Variants in RPS6KA2 observed in about 807,000 individuals in gnomAD.
RPS6KA2 encodes ribosomal protein S6 kinase alpha-2.
Under a neutral mutation model 91.8 loss-of-function variants are expected in RPS6KA2, and 42 were observed. That is an observed-to-expected ratio of 0.46 (90% CI 0.36 to 0.59). The LOEUF is 0.59. Among genes scored for constraint, RPS6KA2 ranks in the 20% least tolerant of loss-of-function variants. The pLI is 0.00. For missense variants in RPS6KA2, 798 were observed against 978.5 expected, an observed-to-expected ratio of 0.82 and a Z score of 2.46; for synonymous variants, 414 against 393.6, an observed-to-expected ratio of 1.05 and a Z score of -0.61.
chr6:166,721,810 AGGTGCCAGCTCAGAGGAGGAGCC>A (rs66884384), intron 2 of RPS6KA2, among the ~76,000 whole-genome samples: 136,979 of 151,362 alleles, frequency 0.9, 62,127 homozygotes, highest in East Asian at 0.95. Flanking sequence ...TTCCCCCAGG[AGGTGCCAGCTCAGAGGAGGAGCC>A]GGTGCCAGCT....
At position 166,459,401 on chromosome 6, in the gene RPS6KA2, GGTC is replaced by G; in HGVS notation, c.1075+45_1075+47del. 8.8e-7 allele frequency: 1 copy of G among 1,131,596 alleles called. No individual in the cohort carries two copies. 70.1% of individuals were successfully genotyped at this position (1,131,596 alleles called of 1,614,324 possible). On this transcript the variant is annotated intron_variant, in intron 12 of 20. Transcript: ENST00000265678. The surrounding 1 kb of genome is among the most constrained non-coding windows in gnomAD (Gnocchi z 4.9). ...TGTTCCTAGATATCTGTCTCTAAGG[GGTC>G]AGGTGGGAGAAGCCACCGATAGAGG...
At chr6:166,464,021 T>C (rs149476808) in intron 11 of RPS6KA2, among the ~76,000 whole-genome samples, 23 of 152,236 alleles carry the variant, frequency 1.5e-4, no homozygotes, top group African/African-American at 5.1e-4. Flanking sequence ...GTGTATATAA[T>C]GTAGGAATAA....
chr6:166,452,524 A>T (rs1053647033), intron 12 of RPS6KA2, among the ~76,000 whole-genome samples: 6 of 152,192 alleles, frequency 3.9e-5, no homozygotes, highest in African/African-American at 1.4e-4. Flanking sequence ...AGCAATTTTA[A>T]GCAAAAGGAA....
intron 2 of RPS6KA2, among the ~76,000 whole-genome samples, chr6:166,534,050 G>A (rs1289394306): frequency 6.6e-6 from 1 of 151,930 alleles, no homozygotes; most frequent in Non-Finnish European, 1.5e-5. Flanking sequence ...GTGAAACTCC[G>A]TCTCTACTAA....
At chr6:166,589,419 T>C (rs1785286915) in intron 1 of RPS6KA2, among the ~76,000 whole-genome samples, 1 of 152,234 alleles carries the variant, frequency 6.6e-6, no homozygotes, top group Non-Finnish European at 1.5e-5. Context: ...ACACTGGAAT[T>C]GAAAAATAAC....
rs1485023118 is a variant in RPS6KA2 at position 166,410,306 on chromosome 6, G to A, written c.*2456C>T. ...TGGAGGTGCGCTGAGCTGGCAAAAT[G>A]CGAATTCTAAGAACACCTTCATTTA... On this transcript the variant is annotated 3_prime_UTR_variant, in exon 21 of 21. Coordinates refer to ENST00000265678, the MANE Select transcript of RPS6KA2 (RefSeq NM_021135.6). The A allele has an allele frequency of 6.6e-6, 1 of 152,304 alleles. No homozygotes were observed. The highest frequency in any genetic ancestry group is 1.5e-5 in the Non-Finnish European group (1 of 68,044). 9.4% of individuals were successfully genotyped at this position (152,304 alleles called of 1,614,324 possible).
chr6:166,475,882 G>C (rs572730695), intron 10 of RPS6KA2: 2 of 520,706 alleles, frequency 3.8e-6, no homozygotes, highest in African/African-American at 3.9e-5. Context: ...TGTATTTCTG[G>C]TAGTCTGGAC....
In RPS6KA2 at chr6:166,429,999, G is replaced by A. The variant is rs1049491766; in HGVS notation, c.1581+454C>T. Among the ~76,000 whole-genome samples, 59 of 147,988 alleles carry A rather than the reference G, an allele frequency of 4.0e-4. 2 individuals are homozygous for A. The highest frequency in any genetic ancestry group is 2.9e-3 in the Admixed American group (43 of 14,706). The stretch of plus-strand genomic sequence containing the variant: ...TTGAGATGGAGTCTCGTCCTGTCAC[G>A]CAGGCTGGAGTGCAATGGTGCTATC... On this transcript the variant is annotated intron_variant, in intron 16 of 20. Coordinates refer to ENST00000265678, the MANE Select transcript of RPS6KA2 (RefSeq NM_021135.6).
intron 2 of RPS6KA2, among the ~76,000 whole-genome samples, chr6:166,851,673 C>G (rs1283598455): frequency 6.6e-6 from 1 of 152,142 alleles, no homozygotes; most frequent in Non-Finnish European, 1.5e-5. Flanking sequence ...GAGACTGTTC[C>G]CATTCGCACT....
At chr6:166,837,591 G>A (rs1027750397) in intron 2 of RPS6KA2, among the ~76,000 whole-genome samples, 1 of 152,200 alleles carries the variant, frequency 6.6e-6, no homozygotes, top group Admixed American at 6.5e-5. Context: ...AGTGAGGATG[G>A]CCCCGTGGCT....
chr6:166,818,698 C>T (rs1275346579), intron 2 of RPS6KA2, among the ~76,000 whole-genome samples: 1 of 152,136 alleles, frequency 6.6e-6, no homozygotes, highest in African/African-American at 2.4e-5. Flanking sequence ...GTGCCTTTGT[C>T]ACAATAAATC....
intron 1 of RPS6KA2, among the ~76,000 whole-genome samples, chr6:166,555,517 C>T (rs543499806): frequency 5.9e-5 from 9 of 152,288 alleles, no homozygotes; most frequent in Admixed American, 3.3e-4. Flanking sequence ...ACAATCTCCA[C>T]GCTGCAGCCA....
intron 7 of RPS6KA2, 68 bp from the exon 8 acceptor site, chr6:166,498,718 G>T: frequency 6.3e-7 from 1 of 1,580,760 alleles, no homozygotes; most frequent in Non-Finnish European, 8.6e-7. Flanking sequence ...CACTCAGGCG[G>T]GCATCAGCGT....
intron 10 of RPS6KA2, among the ~76,000 whole-genome samples, chr6:166,486,394 C>T (rs1043172684): frequency 5.3e-5 from 8 of 152,204 alleles, no homozygotes; most frequent in Non-Finnish European, 1.0e-4. Flanking sequence ...GGCCTCCCAT[C>T]TCATTGTCGC....
intron 2 of RPS6KA2, among the ~76,000 whole-genome samples, chr6:166,812,644 G>A (rs1352050790): frequency 6.6e-6 from 1 of 152,156 alleles, no homozygotes; most frequent in Non-Finnish European, 1.5e-5. Context: ...TCCCGCTCTC[G>A]TGTGGAACCT....
intron 2 of RPS6KA2, among the ~76,000 whole-genome samples, chr6:166,797,416 G>A (rs903183774): frequency 8.5e-5 from 13 of 152,050 alleles, no homozygotes; most frequent in Middle Eastern, 3.4e-3. Flanking sequence ...GTCTATCTCT[G>A]GACCCCCAAA....
intron 19 of RPS6KA2, among the ~76,000 whole-genome samples, chr6:166,416,189 T>C (rs1778508863): frequency 6.6e-6 from 1 of 151,770 alleles, no homozygotes; most frequent in Admixed American, 6.5e-5. Flanking sequence ...CTCGCCATCC[T>C]TTCTCCATCA....
At chr6:166,586,494 G>T in intron 1 of RPS6KA2, 5 of 1,591,574 alleles carry the variant, frequency 3.1e-6, no homozygotes, top group Non-Finnish European at 4.3e-6. Context: ...AATCCCAAAG[G>T]TTTGAGGCAG....
chr6:166,558,313 G>A (rs1327421897), intron 1 of RPS6KA2, among the ~76,000 whole-genome samples: 1 of 152,142 alleles, frequency 6.6e-6, no homozygotes, highest in African/African-American at 2.4e-5. Flanking sequence ...TGTCAGGCAG[G>A]AGGCGTCCCT....
Sources: gnomAD v4.1 joint callset for allele counts (sites outside exome capture counted in the v4.1 genomes callset) on GRCh38, gnomAD v4.1.1 for gene constraint, Gnocchi (gnomAD v3.1) non-coding constraint, MANE v1.5 for transcripts, NCBI Gene and HGNC (gene_info 2026-07-23, HGNC 2026-07-21) for gene names.